Variants in MCTP1 observed in about 807,000 individuals in gnomAD.
MCTP1 encodes the protein multiple C2 and transmembrane domain-containing protein 1.
MCTP1 carries 69 observed loss-of-function variants against 120.6 expected under a neutral mutation model. That is an observed-to-expected ratio of 0.57 (90% CI 0.47 to 0.70). The LOEUF is 0.70. Among genes scored for constraint, MCTP1 ranks in the 30% least tolerant of loss-of-function variants. MCTP1 has a pLI of 0.00. For synonymous variants in MCTP1, 529 were observed against 493.1 expected, an observed-to-expected ratio of 1.07 and a Z score of -0.96; for missense variants, 1,203 against 1,248.8, an observed-to-expected ratio of 0.96 and a Z score of 0.55.
chr5:94,884,359 A>G (rs1015063283), intron 12 of MCTP1, among the ~76,000 whole-genome samples: 4 of 152,096 alleles, frequency 2.6e-5, no homozygotes, highest in African/African-American at 9.7e-5. Context: ...TCTTTATTAA[A>G]AGCACTATTC....
chr5:94,789,842 A>G (rs1373282337), intron 18 of MCTP1, among the ~76,000 whole-genome samples: 1 of 152,216 alleles, frequency 6.6e-6, no homozygotes, highest in Non-Finnish European at 1.5e-5. Flanking sequence ...GCCTATAAAT[A>G]TTCAATAATA....
At chr5:94,915,669 T>G (rs1561852251) in intron 8 of MCTP1, among the ~76,000 whole-genome samples, 3 of 152,158 alleles carry the variant, frequency 2.0e-5, no homozygotes. Context: ...TTTCTGGTTT[T>G]TTTGTTTGTT....
At chr5:95,066,308 A>C (rs935603183) in intron 1 of MCTP1, among the ~76,000 whole-genome samples, 7 of 152,208 alleles carry the variant, frequency 4.6e-5, no homozygotes, top group Admixed American at 6.5e-5. Flanking sequence ...AGATCATCTC[A>C]CTTCAGTTAG....
At chr5:95,004,575 C>G (rs1245769433) in intron 2 of MCTP1, among the ~76,000 whole-genome samples, 1 of 152,216 alleles carries the variant, frequency 6.6e-6, no homozygotes, top group Non-Finnish European at 1.5e-5. Context: ...CAGGACATGG[C>G]ACCCTGCGTC....
intron 1 of MCTP1, among the ~76,000 whole-genome samples, chr5:95,161,003 C>T (rs1261209089): frequency 6.6e-6 from 1 of 152,124 alleles, no homozygotes; most frequent in Non-Finnish European, 1.5e-5. Flanking sequence ...GGATGATAAA[C>T]TAACACAGCC....
At chr5:95,171,257 G>C (rs1490727258) in intron 1 of MCTP1, among the ~76,000 whole-genome samples, 1 of 152,172 alleles carries the variant, frequency 6.6e-6, no homozygotes, top group Non-Finnish European at 1.5e-5. Flanking sequence ...CTTCTGGCTT[G>C]TAGAGTTTCT....
At chr5:94,957,480 TAA>T (rs1317996519) in intron 2 of MCTP1, among the ~76,000 whole-genome samples, 2 of 151,962 alleles carry the variant, frequency 1.3e-5, no homozygotes, top group African/African-American at 4.8e-5. Context: ...GTAAATTGGA[TAA>T]AGAGTCAAGA....
intron 18 of MCTP1, among the ~76,000 whole-genome samples, chr5:94,787,739 T>C (rs540486352): frequency 1.3e-4 from 20 of 152,106 alleles, no homozygotes; most frequent in East Asian, 3.9e-4. Context: ...GCCTCAGCCT[T>C]CCGAGTAGCT....
chr5:94,877,515 T>C (rs1223336851), intron 12 of MCTP1: 7 of 152,102 alleles, frequency 4.6e-5, no homozygotes, highest in Non-Finnish European at 8.8e-5. Context: ...CAATCCTTTT[T>C]TGGGGGTGAA....
intron 18 of MCTP1, chr5:94,793,718 T>G (rs909811725): frequency 1.3e-5 from 2 of 152,282 alleles, no homozygotes; most frequent in African/African-American, 2.4e-5. Context: ...CTGTTAGGAA[T>G]ACTTGACTTA....
intron 3 of MCTP1, among the ~76,000 whole-genome samples, chr5:94,950,188 G>A (rs1820131872): frequency 1.3e-5 from 2 of 152,068 alleles, no homozygotes; most frequent in East Asian, 3.9e-4. Flanking sequence ...TTTTATATGT[G>A]TACTAGTATC....
intron 17 of MCTP1, among the ~76,000 whole-genome samples, chr5:94,837,300 G>A (rs925117947): frequency 6.6e-6 from 1 of 152,156 alleles, no homozygotes; most frequent in African/African-American, 2.4e-5. Context: ...AGGATCACTT[G>A]AGCCCAGGAG....
intron 2 of MCTP1, among the ~76,000 whole-genome samples, chr5:94,996,234 G>A (rs1832593430): frequency 6.6e-6 from 1 of 152,192 alleles, no homozygotes; most frequent in Non-Finnish European, 1.5e-5. Flanking sequence ...TATAGAACAT[G>A]TACGTGATTA....
At chr5:95,037,322 G>A (rs929501856) in intron 1 of MCTP1, among the ~76,000 whole-genome samples, 5 of 152,094 alleles carry the variant, frequency 3.3e-5, no homozygotes, top group African/African-American at 7.2e-5. Flanking sequence ...CGAATGATGT[G>A]GGCAAATGCT....
chr5:95,134,590 A>G (rs1229709094), intron 1 of MCTP1, among the ~76,000 whole-genome samples: 1 of 152,288 alleles, frequency 6.6e-6, no homozygotes, highest in Middle Eastern at 3.4e-3. Flanking sequence ...GCTGGCTATC[A>G]TCTTGGCCAC....
intron 1 of MCTP1, among the ~76,000 whole-genome samples, chr5:95,133,832 A>G (rs898378106): frequency 2.0e-5 from 3 of 152,176 alleles, no homozygotes; most frequent in Non-Finnish European, 4.4e-5. Context: ...TAAAAAACCT[A>G]TTGTCTGCAA....
At chr5:94,856,666 C>T (rs1299613785) in intron 17 of MCTP1, among the ~76,000 whole-genome samples, 1 of 151,638 alleles carries the variant, frequency 6.6e-6, no homozygotes, top group Non-Finnish European at 1.5e-5. Flanking sequence ...TACTCAGGTA[C>T]TTTATACAGG....
intron 2 of MCTP1, among the ~76,000 whole-genome samples, chr5:94,988,542 A>AT (rs1336302064): frequency 4.0e-5 from 6 of 148,826 alleles, no homozygotes; most frequent in African/African-American, 1.5e-4. Context: ...TATAAAAATG[A>AT]TTTTTGGAAG....
chr5:95,194,603 T>C (rs970395858), intron 1 of MCTP1, among the ~76,000 whole-genome samples: 1 of 152,246 alleles, frequency 6.6e-6, no homozygotes, highest in South Asian at 2.1e-4. Flanking sequence ...TTCAGGTATA[T>C]GTACAGTCAC....
Sources: gnomAD v4.1 joint callset for allele counts (sites outside exome capture counted in the v4.1 genomes callset) on GRCh38, gnomAD v4.1.1 for gene constraint, MANE v1.5 for transcripts, NCBI Gene and HGNC (gene_info 2026-07-23, HGNC 2026-07-21) for gene names.